Variants in SLC22A25 observed in about 807,000 individuals in gnomAD.
The protein encoded by SLC22A25 is solute carrier family 22 member 25.
Under a neutral mutation model 45.9 loss-of-function variants are expected in SLC22A25, and 44 were observed. The ratio of observed to expected loss-of-function variants is 0.96; its 90% CI spans 0.75 to 1.23. SLC22A25 has a LOEUF of 1.23. SLC22A25 is among the 50% of genes most tolerant of loss of function. The pLI, the probability that SLC22A25 is intolerant of heterozygous loss-of-function variation, is 0.00. For synonymous variants in SLC22A25, 283 were observed against 238.6 expected (o/e 1.19, Z -1.72); for missense variants, 800 against 666.4 (o/e 1.20, Z -2.21).
rs34284198 is a variant in SLC22A25 at position 63,217,650 on chromosome 11, C to T, written c.592G>A (p.Val198Ile). Residue 198 changes from valine (V) to isoleucine (I), a missense_variant, in exon 6 of 12, where the codon GTA becomes ATA. Transcript: ENST00000306494. The stretch of plus-strand genomic sequence containing the variant: ...GCCAAGAAGCGCAGGGAGCAGTATA[C>T]GAGGATGGTGGGAGCAAAGGCCGCA... ...TCAAFAPTIL[V>I]YCSLRFLAGA... 12 of 1,613,794 alleles carry T rather than the reference C, an allele frequency of 7.4e-6. No homozygotes were observed. The highest frequency in any genetic ancestry group is 6.7e-5 in the African/African-American group (5 of 74,888).
At chr11:63,231,030 T>A (rs2090058802) in intron 3 of SLC22A25, among the ~76,000 whole-genome samples, 1 of 152,220 alleles carries the variant, frequency 6.6e-6, no homozygotes, top group Non-Finnish European at 1.5e-5. Context: ...TGTGGCACAT[T>A]TTCTTAATCT....
rs1164148170 is a variant in SLC22A25, at chr11:63,161,354, G to A, written c.*2470C>T. 6.6e-6 allele frequency among the ~76,000 whole-genome samples: 1 copy of A among 152,184 alleles called. No individual in the cohort carries two copies. The highest frequency in any genetic ancestry group is 1.5e-5 in the Non-Finnish European group (1 of 68,032). ...GCTGAAATGAGTTAAAACTTTGGGGGACTGTTGGGAAGGCATGATTAGTTT... is the reference window on the plus strand; with the variant it reads ...GCTGAAATGAGTTAAAACTTTGGGGAACTGTTGGGAAGGCATGATTAGTTT... On this transcript the variant is annotated 3_prime_UTR_variant, in exon 12 of 12. Transcript: ENST00000306494.
rs573053087 is a variant in SLC22A25, at chr11:63,158,697, A to G, written c.*5127T>C. ...TATCAAATACTGGATATTAATAATCACATTATGCAGCATGGGGTATCTGTC... is the reference window on the plus strand; with the variant it reads ...TATCAAATACTGGATATTAATAATCGCATTATGCAGCATGGGGTATCTGTC... On this transcript the variant is annotated 3_prime_UTR_variant, in exon 12 of 12. Coordinates refer to ENST00000306494, the MANE Select transcript of SLC22A25 (RefSeq NM_199352.6). Among the ~76,000 whole-genome samples, 1 of 152,308 alleles carries G rather than the reference A, an allele frequency of 6.6e-6. No homozygotes were observed. Among genetic ancestry groups the G allele is most frequent in the East Asian group, 1.9e-4 (1 of 5,188 alleles).
chr11:63,197,023 A>G (rs1258682453), intron 7 of SLC22A25, among the ~76,000 whole-genome samples: 3 of 152,190 alleles, frequency 2.0e-5, no homozygotes, highest in African/African-American at 7.2e-5. Flanking sequence ...AAAGAGAATA[A>G]AATACCTAGG....
intron 9 of SLC22A25, among the ~76,000 whole-genome samples, chr11:63,174,332 A>G (rs964495358): frequency 1.3e-5 from 2 of 152,164 alleles, no homozygotes; most frequent in African/African-American, 4.8e-5. Context: ...AGCAATGAGA[A>G]CACAAGATTG....
intron 7 of SLC22A25, among the ~76,000 whole-genome samples, chr11:63,210,109 A>G (rs949208668): frequency 1.3e-5 from 2 of 152,210 alleles, no homozygotes; most frequent in African/African-American, 4.8e-5. Context: ...TATAGGCTGT[A>G]CTCTCCAATT....
chr11:63,182,416 G>A (rs2088362800), intron 8 of SLC22A25, among the ~76,000 whole-genome samples: 1 of 151,840 alleles, frequency 6.6e-6, no homozygotes, highest in Non-Finnish European at 1.5e-5. Flanking sequence ...CATGCTAGGT[G>A]TGTGTGTATG....
intron 9 of SLC22A25, 135 bp downstream of exon 9, chr11:63,180,525 A>G: frequency 1.6e-6 from 1 of 623,016 alleles, no homozygotes; most frequent in East Asian, 2.9e-5. Context: ...ACTTTTAAAA[A>G]TAGCAATTCT....
At chr11:63,235,136 C>T (rs1461954780) in intron 3 of SLC22A25, among the ~76,000 whole-genome samples, 1 of 152,142 alleles carries the variant, frequency 6.6e-6, no homozygotes, top group African/African-American at 2.4e-5. Flanking sequence ...AGTTGCTCTT[C>T]TTGAGGAGTA....
At chr11:63,214,673 A>C (rs1251890444) in intron 7 of SLC22A25, among the ~76,000 whole-genome samples, 1 of 152,184 alleles carries the variant, frequency 6.6e-6, no homozygotes, top group Non-Finnish European at 1.5e-5. Flanking sequence ...TGCATGTCTC[A>C]ATTAATTGAA....
Position 63,163,928 on chromosome 11 carries a change from G to A in SLC22A25, c.1540C>T (p.Leu514Phe), listed in dbSNP as rs764713422. The A allele has an allele frequency of 3.1e-6, 5 of 1,613,840 alleles. No individual in the cohort carries two copies. In the African/African-American group the frequency reaches 6.7e-5, roughly 22 times the overall value. Reference sequence around the variant, plus strand: ...GGCTGGTTCCTGGTTTCAGGAAGGAGGAGGACAACAAGGCCAGAGAGGATG... The same window carrying A: ...GGCTGGTTCCTGGTTTCAGGAAGGAAGAGGACAACAAGGCCAGAGAGGATG... ...FAILSGLVVLLLPETRNQPLL... is the reference protein window; with the variant it reads ...FAILSGLVVLFLPETRNQPLL... Residue 514 changes from leucine to phenylalanine, a missense_variant, in exon 12 of 12, where the codon CTC (leucine) becomes TTC (phenylalanine). Physicochemically the swap from Leu to Phe is conservative, Grantham distance 22 (BLOSUM62 0). Coordinates refer to ENST00000306494, the MANE Select transcript of SLC22A25 (RefSeq NM_199352.6).
intron 7 of SLC22A25, among the ~76,000 whole-genome samples, chr11:63,190,238 T>C (rs1455621872): frequency 6.6e-6 from 1 of 152,208 alleles, no homozygotes; most frequent in Non-Finnish European, 1.5e-5. Context: ...GAGGCTTTTC[T>C]TGTTTCTTTT....
At chr11:63,166,516 A>G in intron 9 of SLC22A25, 1 of 1,195,152 alleles carries the variant, frequency 8.4e-7, no homozygotes, top group Non-Finnish European at 1.0e-6. Context: ...TTTATTTTAA[A>G]AGCAATGGAT....
intron 7 of SLC22A25, among the ~76,000 whole-genome samples, chr11:63,198,723 AAAG>A (rs1273449016): frequency 6.6e-6 from 1 of 152,184 alleles, no homozygotes; most frequent in Non-Finnish European, 1.5e-5. Flanking sequence ...ATAATAAAAA[AAAG>A]AAAAAAGAAA....
intron 7 of SLC22A25, among the ~76,000 whole-genome samples, chr11:63,201,459 A>G (rs1383116812): frequency 1.3e-5 from 2 of 152,240 alleles, no homozygotes; most frequent in African/African-American, 2.4e-5. Flanking sequence ...AGACATATTC[A>G]GAAGACTAAA....
In SLC22A25 at chr11:63,217,353, A is replaced by G. The variant is rs1194069111; in HGVS notation, c.791T>C (p.Val264Ala). 1.2e-6 allele frequency: 2 copies of G among 1,613,900 alleles called. No homozygotes were observed. Among genetic ancestry groups the G allele is most frequent in the African/African-American group, 1.3e-5 (1 of 74,928 alleles). ...GAAGACAAAGCATGGTGCAGACATCACCAACTGGAGGATGCACTGGTCTCG... is the reference window on the plus strand; with the variant it reads ...GAAGACAAAGCATGGTGCAGACATCGCCAACTGGAGGATGCACTGGTCTCG... ...VIRDQCILQL[V>A]MSAPCFVFFL... The change falls in exon 7 of 12, where the codon GTG (valine) becomes GCG (alanine). Residue 264 changes from valine to alanine, a missense_variant. Physicochemically the swap from Val to Ala is moderately conservative, Grantham distance 64. Coordinates refer to ENST00000306494, the MANE Select transcript of SLC22A25 (RefSeq NM_199352.6).
In SLC22A25 at chr11:63,217,707, A is replaced by T. The variant is rs2089753045; in HGVS notation, c.535T>A (p.Ser179Thr). Reference protein sequence around the residue: ...RFGRKFVLRWSYLQLAIVGTC... With the variant: ...RFGRKFVLRWTYLQLAIVGTC... ...CCTACAATGGCGAGCTGGAGGTAAG[A>T]CCATCTGAGCACGAACTTTCTCCCA... is the stretch of plus-strand genomic sequence containing the variant. Residue 179 changes from serine (S) to threonine (T), a missense_variant, in exon 6 of 12, where the codon TCT becomes ACT. Coordinates refer to ENST00000306494, the MANE Select transcript of SLC22A25 (RefSeq NM_199352.6). 6.2e-7 allele frequency: 1 copy of T among 1,612,814 alleles called. No individual in the cohort carries two copies. The highest frequency in any genetic ancestry group is 8.5e-7 in the Non-Finnish European group (1 of 1,179,740).
intron 9 of SLC22A25, among the ~76,000 whole-genome samples, chr11:63,175,093 C>A (rs1165523886): frequency 6.6e-6 from 1 of 152,022 alleles, no homozygotes; most frequent in Non-Finnish European, 1.5e-5. Context: ...CATGGGAGTG[C>A]AAATATCTCT....
intron 7 of SLC22A25, among the ~76,000 whole-genome samples, chr11:63,200,189 A>T (rs1049525904): frequency 4.0e-5 from 6 of 151,804 alleles, no homozygotes; most frequent in African/African-American, 1.5e-4. Flanking sequence ...AAAACCTGGC[A>T]GAGATACAAC....
Sources: gnomAD v4.1 joint callset for allele counts (sites outside exome capture counted in the v4.1 genomes callset) on GRCh38, gnomAD v4.1.1 for gene constraint, MANE v1.5 for transcripts, NCBI Gene and HGNC (gene_info 2026-07-23, HGNC 2026-07-21) for gene names.